MTUS2: variants seen among roughly 807,000 people sequenced by gnomAD.
The protein encoded by MTUS2 is microtubule-associated tumor suppressor candidate 2.
Under a neutral mutation model 114.1 loss-of-function variants are expected in MTUS2, and 40 were observed. The ratio of observed to expected loss-of-function variants is 0.35; its 90% CI spans 0.27 to 0.46. The LOEUF (loss-of-function observed/expected upper bound fraction) is 0.46. Ranked by LOEUF, MTUS2 falls within the 20% of genes least tolerant of loss-of-function variation. The pLI is 1.00. For synonymous variants in MTUS2, 688 were observed against 672.0 expected, an observed-to-expected ratio of 1.02 and a Z score of -0.37; for missense variants, 1,679 against 1,705.4, an observed-to-expected ratio of 0.98 and a Z score of 0.27.
intron 6 of MTUS2, among the ~76,000 whole-genome samples, chr13:29,289,316 A>T (rs1186423520): frequency 6.6e-6 from 1 of 152,244 alleles, no homozygotes. Flanking sequence ...CGCCTGTCTT[A>T]GCCACTGGAC....
At chr13:29,275,707 T>A (rs1898038385) in intron 5 of MTUS2, among the ~76,000 whole-genome samples, 1 of 152,246 alleles carries the variant, frequency 6.6e-6, no homozygotes, top group Admixed American at 6.5e-5. Flanking sequence ...GGCTCCATTC[T>A]TTTTTATGGC....
At chr13:29,206,385 T>G (rs982627303) in intron 5 of MTUS2, among the ~76,000 whole-genome samples, 5 of 152,214 alleles carry the variant, frequency 3.3e-5, no homozygotes, top group African/African-American at 1.2e-4. Flanking sequence ...ATTATTGCTT[T>G]TACGGTGCAG....
chr13:29,488,126 G>T, intron 11 of MTUS2, 121 bp downstream of exon 11: 1 of 751,838 alleles, frequency 1.3e-6, no homozygotes, highest in South Asian at 1.7e-5. Flanking sequence ...TTCCCTCCTG[G>T]TGCATTTTTT....
At chr13:29,297,837 G>A (rs1899015922) in intron 6 of MTUS2, among the ~76,000 whole-genome samples, 1 of 151,990 alleles carries the variant, frequency 6.6e-6, no homozygotes, top group Non-Finnish European at 1.5e-5. Context: ...AATGGAAAGT[G>A]TTGCGGATTT....
chr13:29,351,662 G>A (rs1008474102), intron 7 of MTUS2, among the ~76,000 whole-genome samples: 8 of 151,906 alleles, frequency 5.3e-5, no homozygotes, highest in African/African-American at 1.9e-4. Context: ...GGAGTGCAGT[G>A]CATGATGTCA....
chr13:28,935,211 A>G (rs1238211459), intron 2 of MTUS2, among the ~76,000 whole-genome samples: 1 of 152,022 alleles, frequency 6.6e-6, no homozygotes, highest in East Asian at 1.9e-4. Flanking sequence ...GTTTAGGGAC[A>G]TTCGGGTTGT....
chr13:29,228,322 G>A (rs557262636), intron 5 of MTUS2, among the ~76,000 whole-genome samples: 10 of 152,232 alleles, frequency 6.6e-5, no homozygotes, highest in South Asian at 2.1e-4. Context: ...AGTGTAAAGA[G>A]CCCACCTCTT....
chr13:29,376,876 C>A (rs1436542347), intron 8 of MTUS2, among the ~76,000 whole-genome samples: 1 of 152,042 alleles, frequency 6.6e-6, no homozygotes, highest in African/African-American at 2.4e-5. Context: ...ATGTTGTCAA[C>A]AAGAAACTGG....
rs1432651915 is a variant in MTUS2 at position 29,026,726 on chromosome 13, G to T, written c.2028G>T (p.Met676Ile). ...CATATGCCCCGCCCACATGTACCAT[G>T]CCTCTTCCCCACGAAGAGAAGGCAG... ...GLPYAPPTCT[M>I]PLPHEEKAAG... is the part of the protein sequence containing the mutation. Residue 676 changes from methionine (M) to isoleucine (I), a missense_variant, in exon 3 of 16, where the codon ATG (methionine) becomes ATT (isoleucine). Physicochemically the swap from Met to Ile is conservative, Grantham distance 10 (BLOSUM62 1). Transcript: ENST00000612955. 6.2e-7 allele frequency: 1 copy of T among 1,613,960 alleles called. No homozygotes were observed. Among genetic ancestry groups the T allele is most frequent in the East Asian group, 2.2e-5 (1 of 44,872 alleles).
In MTUS2 at chr13:29,058,770, G is replaced by A. The variant is rs1338049618; in HGVS notation, c.2446+24645G>A. 3.5e-5 allele frequency among the ~76,000 whole-genome samples: 5 copies of A among 142,362 alleles called. No homozygotes were observed. In the East Asian group the frequency reaches 1.0e-3, roughly 29 times the overall value. 93.4% of individuals were successfully genotyped at this position (142,362 alleles called of 152,430 possible). Reference sequence around the variant, plus strand: ...GATGTTCCCCTTCCTGTGTCCATGTGTTCTCATTGTTCAATTCCCAACTAT... The same window carrying A: ...GATGTTCCCCTTCCTGTGTCCATGTATTCTCATTGTTCAATTCCCAACTAT... On this transcript the variant is annotated intron_variant, in intron 4 of 15. Transcript: ENST00000612955.
At chr13:29,256,787 C>T (rs751971263) in intron 5 of MTUS2, among the ~76,000 whole-genome samples, 1 of 152,186 alleles carries the variant, frequency 6.6e-6, no homozygotes, top group Non-Finnish European at 1.5e-5. Flanking sequence ...TTCTTCATAC[C>T]TCATTCAGGA....
intron 5 of MTUS2, among the ~76,000 whole-genome samples, chr13:29,253,918 G>A (rs780470587): frequency 3.9e-5 from 6 of 152,114 alleles, no homozygotes; most frequent in Non-Finnish European, 8.8e-5. Flanking sequence ...AGAACAGCAC[G>A]GGAAAGACTT....
chr13:28,920,613 C>T (rs558754562), intron 2 of MTUS2, among the ~76,000 whole-genome samples: 27 of 152,290 alleles, frequency 1.8e-4, no homozygotes, highest in African/African-American at 6.5e-4. Flanking sequence ...GTTGATAAAC[C>T]GAGCTGGGTT....
chr13:28,909,953 T>C (rs1192465936), intron 2 of MTUS2, among the ~76,000 whole-genome samples: 1 of 152,222 alleles, frequency 6.6e-6, no homozygotes, highest in African/African-American at 2.4e-5. Flanking sequence ...TTAGATATTT[T>C]GATACAAGCA....
chr13:28,840,776 A>G (rs1021030835), intron 2 of MTUS2, among the ~76,000 whole-genome samples: 1 of 152,222 alleles, frequency 6.6e-6, no homozygotes, highest in East Asian at 1.9e-4. Flanking sequence ...AGAGGACAGA[A>G]GATAGAAACA....
chr13:28,999,642 C>G (rs1885293104), intron 2 of MTUS2, among the ~76,000 whole-genome samples: 1 of 152,124 alleles, frequency 6.6e-6, no homozygotes, highest in Non-Finnish European at 1.5e-5. Context: ...TCAAAATTCT[C>G]TCTTCTAGCT....
chr13:29,417,403 T>C (rs1230363133), intron 8 of MTUS2, among the ~76,000 whole-genome samples: 1 of 152,222 alleles, frequency 6.6e-6, no homozygotes, highest in African/African-American at 2.4e-5. Context: ...TTAGTATTGG[T>C]TTATTTTTTC....
intron 5 of MTUS2, among the ~76,000 whole-genome samples, chr13:29,129,189 CTTTT>C (rs10610501): frequency 1.4e-5 from 2 of 138,484 alleles, no homozygotes; most frequent in East Asian, 4.3e-4. Context: ...CCCTGGCAGT[CTTTT>C]TTTTTTTTTT....
chr13:29,113,381 G>A (rs368069412), intron 5 of MTUS2, among the ~76,000 whole-genome samples: 50 of 152,254 alleles, frequency 3.3e-4, no homozygotes, highest in African/African-American at 1.1e-3. Context: ...GACAGAATTC[G>A]CTACTATAGT....
Sources: gnomAD v4.1 joint callset for allele counts (sites outside exome capture counted in the v4.1 genomes callset) on GRCh38, gnomAD v4.1.1 for gene constraint, MANE v1.5 for transcripts, NCBI Gene and HGNC (gene_info 2026-07-23, HGNC 2026-07-21) for gene names.